KANSL1L: variants seen among roughly 807,000 people sequenced by gnomAD.
KANSL1L encodes KAT8 regulatory NSL complex subunit 1-like protein.
KANSL1L carries 25 observed loss-of-function variants against 108.6 expected under a neutral mutation model. The ratio of observed to expected loss-of-function variants is 0.23; its 90% CI spans 0.17 to 0.32. The LOEUF is 0.32. KANSL1L is among the 10% of genes least tolerant of loss of function. The pLI, the probability that KANSL1L is intolerant of heterozygous loss-of-function variation, is 1.00. For missense variants in KANSL1L, 1,137 were observed against 1,125.7 expected (o/e 1.01, Z -0.14); for synonymous variants, 405 against 395.1 (o/e 1.03, Z -0.30).
Position 210,044,726 on chromosome 2 carries a change from T to C in KANSL1L, c.1756-622A>G, listed in dbSNP as rs189215972. ...TAATAAAATGATTACATGACTTTTC[T>C]TCTGTACTCTATTATAAAGTGACAA... On this transcript the variant is annotated intron_variant, in intron 6 of 14. Coordinates refer to ENST00000281772, the MANE Select transcript of KANSL1L (RefSeq NM_152519.4). This position sits in a 1 kb window ranked among gnomAD's most constrained non-coding sequence, Gnocchi z 4.2. Among the ~76,000 whole-genome samples the C allele has an allele frequency of 1.2e-4, 18 of 152,240 alleles. 1 individual carries two copies. The East Asian group carries it at 3.5e-3, about 29-fold the overall frequency.
rs1363110112 is a variant in KANSL1L at position 210,028,841 on chromosome 2, A to G, written c.2396+4T>C. On this transcript the variant is annotated splice_donor_region_variant and intron_variant, in intron 11 of 14. Coordinates refer to ENST00000281772, the MANE Select transcript of KANSL1L (RefSeq NM_152519.4). The stretch of plus-strand genomic sequence containing the variant: ...GAAAAATATGAAGATGTAAGTATAC[A>G]TACCTTGGAGTAAGTATTTCCTTAT... 2 of 1,570,430 alleles carry G rather than the reference A, an allele frequency of 1.3e-6. No homozygotes were observed. Among genetic ancestry groups the G allele is most frequent in the South Asian group, 2.3e-5 (2 of 86,988 alleles).
intron 4 of KANSL1L, among the ~76,000 whole-genome samples, chr2:210,103,404 G>A (rs1451678756): frequency 1.3e-5 from 2 of 152,082 alleles, no homozygotes; most frequent in East Asian, 1.9e-4. Flanking sequence ...CACCAACATG[G>A]CACATGTATA....
chr2:210,034,501 A>G lies in KANSL1L; in HGVS notation c.2030-2955T>C, dbSNP rs111846969. On this transcript the variant is annotated intron_variant, in intron 8 of 14. Coordinates refer to ENST00000281772, the MANE Select transcript of KANSL1L (RefSeq NM_152519.4). Reference sequence around the variant, plus strand: ...GAGGGAGGAGCCAGCCTATGTAGATAGGGCTTTAAGGTGTTAAGAATATTC... The same window carrying G: ...GAGGGAGGAGCCAGCCTATGTAGATGGGGCTTTAAGGTGTTAAGAATATTC... Among the ~76,000 whole-genome samples, 902 of 152,330 alleles carry G rather than the reference A, an allele frequency of 5.9e-3. 3 individuals carry two copies. Among genetic ancestry groups the G allele is most frequent in the Non-Finnish European group, 0.01 (686 of 68,028 alleles).
At chr2:210,048,059 T>C (rs2094245081) in intron 6 of KANSL1L, among the ~76,000 whole-genome samples, 1 of 152,238 alleles carries the variant, frequency 6.6e-6, no homozygotes, top group African/African-American at 2.4e-5. Flanking sequence ...AAGGGACTTT[T>C]GCCATTTATG....
intron 3 of KANSL1L, among the ~76,000 whole-genome samples, chr2:210,123,626 A>G (rs1268339481): frequency 6.6e-6 from 1 of 152,134 alleles, no homozygotes; most frequent in African/African-American, 2.4e-5. Context: ...CAGGGTGACT[A>G]CAGTCAACAA....
intron 2 of KANSL1L, 92 bp downstream of exon 2, chr2:210,153,403 G>T: frequency 3.9e-5 from 36 of 916,136 alleles, no homozygotes; most frequent in Non-Finnish European, 5.6e-5. Context: ...TAAGATTTTA[G>T]AAAATCTATT....
chr2:210,152,947 T>G (rs920245546), intron 2 of KANSL1L: 1 of 152,256 alleles, frequency 6.6e-6, no homozygotes, highest in Non-Finnish European at 1.5e-5. Flanking sequence ...CCTGTATGGG[T>G]TTTTCCTAGA....
chr2:210,151,945 AATTCTC>A (rs1301067505), intron 2 of KANSL1L: 2 of 152,226 alleles, frequency 1.3e-5, no homozygotes, highest in Non-Finnish European at 2.9e-5. Flanking sequence ...CTAATTCTGT[AATTCTC>A]ATTTATTTTT....
At position 210,065,182 on chromosome 2, in the gene KANSL1L, T is replaced by C. The variant is rs1024525711; in HGVS notation, c.1755+10370A>G. 7.4e-5 allele frequency among the ~76,000 whole-genome samples: 11 copies of C among 148,234 alleles called. 1 individual carries two copies. In the South Asian group the frequency reaches 1.9e-3, roughly 26 times the overall value. On this transcript the variant is annotated intron_variant, in intron 6 of 14. Coordinates refer to ENST00000281772, the MANE Select transcript of KANSL1L (RefSeq NM_152519.4). ...GTGGTGGTGCCTGTAATCCTAGCTA[T>C]TGGGGAGGCTGAGGCAGGAAAATCA...
chr2:210,095,445 TCAGTACTCTCTTTGG>T (rs1399784882), intron 5 of KANSL1L, among the ~76,000 whole-genome samples: 3 of 152,122 alleles, frequency 2.0e-5, no homozygotes, highest in Non-Finnish European at 4.4e-5. Context: ...ACAGATATTT[TCAGTACTCTCTTTGG>T]CATACGAAAC....
chr2:210,141,994 C>CTT (rs1052791722), intron 2 of KANSL1L, among the ~76,000 whole-genome samples: 3 of 139,578 alleles, frequency 2.1e-5, no homozygotes, highest in Non-Finnish European at 3.1e-5. Flanking sequence ...GGCCTATAAT[C>CTT]TTTTTTTTTT....
intron 13 of KANSL1L, 68 bp from the exon 14 acceptor site, chr2:210,024,269 C>G: frequency 1.6e-6 from 2 of 1,266,956 alleles, no homozygotes; most frequent in Non-Finnish European, 2.1e-6. Context: ...TATGAACAAC[C>G]CAAGGTATCA....
At chr2:210,106,138 A>G (rs2125441997) in intron 3 of KANSL1L, among the ~76,000 whole-genome samples, 1 of 152,190 alleles carries the variant, frequency 6.6e-6, no homozygotes, top group East Asian at 1.9e-4. Context: ...CTTATTAGAA[A>G]GTTTGAAGCA....
At chr2:210,070,922 G>A (rs904371217) in intron 6 of KANSL1L, among the ~76,000 whole-genome samples, 1 of 152,114 alleles carries the variant, frequency 6.6e-6, no homozygotes, top group Non-Finnish European at 1.5e-5. Flanking sequence ...CACTTTGGGA[G>A]GCTGAGGCGG....
chr2:210,132,314 C>T (rs114150824), intron 2 of KANSL1L, among the ~76,000 whole-genome samples: 354 of 152,244 alleles, frequency 2.3e-3, no homozygotes, highest in African/African-American at 8.0e-3. Flanking sequence ...CAGAGTGTCC[C>T]AACTCCCCAG....
At chr2:210,111,567 T>A (rs2094905221) in intron 3 of KANSL1L, among the ~76,000 whole-genome samples, 1 of 152,152 alleles carries the variant, frequency 6.6e-6, no homozygotes. Context: ...ATAGTGATGG[T>A]TACAAGAGTA....
intron 5 of KANSL1L, among the ~76,000 whole-genome samples, chr2:210,079,130 A>G (rs74632200): frequency 6.6e-6 from 1 of 152,088 alleles, no homozygotes; most frequent in African/African-American, 2.4e-5. Context: ...GACAGTCCTT[A>G]AAAAATTTTT....
chr2:210,126,003 T>C (rs1052801455), intron 3 of KANSL1L, among the ~76,000 whole-genome samples: 12 of 152,172 alleles, frequency 7.9e-5, no homozygotes, highest in Admixed American at 7.9e-4. Context: ...GAAAAAGAAA[T>C]AAATGGCATC....
chr2:210,032,696 G>C (rs1355444209), intron 8 of KANSL1L: 1 of 152,170 alleles, frequency 6.6e-6, no homozygotes, highest in Non-Finnish European at 1.5e-5. Flanking sequence ...TTCAAATGTT[G>C]TATAAATTCC....
Sources: gnomAD v4.1 joint callset for allele counts (sites outside exome capture counted in the v4.1 genomes callset) on GRCh38, gnomAD v4.1.1 for gene constraint, Gnocchi (gnomAD v3.1) non-coding constraint, MANE v1.5 for transcripts, NCBI Gene and HGNC (gene_info 2026-07-23, HGNC 2026-07-21) for gene names.